CHD4: variants seen among roughly 807,000 people sequenced by gnomAD.
The protein encoded by CHD4 is ATP-dependent chromatin remodeler CHD4.
Under a neutral mutation model 235.5 loss-of-function variants are expected in CHD4, and 35 were observed. That is an observed-to-expected ratio of 0.15 (90% confidence interval 0.11 to 0.20). The LOEUF is 0.20. Ranked by LOEUF, CHD4 falls within the 10% of genes least tolerant of loss-of-function variation. CHD4 has a pLI of 1.00. For missense variants in CHD4, 1,329 were observed against 2,432.3 expected (o/e 0.55, Z 9.54); for synonymous variants, 900 against 850.2 (o/e 1.06, Z -1.02).
At chr12:6,594,725 C>G in intron 14 of CHD4, 75 bp from the exon 15 acceptor site, 4 of 1,332,786 alleles carry the variant, frequency 3.0e-6, no homozygotes, top group Non-Finnish European at 4.2e-6. Context: ...CTGCTTCCTC[C>G]TCACTAGTCT....
At position 6,580,713 on chromosome 12, in the gene CHD4, A is replaced by AAAAAACAACAAC. The variant is rs1565604026; in HGVS notation, c.4909+330_4909+331insGTTGTTGTTTTT. 3.0e-5 allele frequency: 7 copies of AAAAAACAACAAC among 230,378 alleles called. No individual in the cohort carries two copies. In the South Asian group the frequency reaches 5.1e-4, roughly 17 times the overall value. The allele number at this position is 230,378 out of a possible 1,614,324, so 14.3% of individuals were successfully genotyped here. On this transcript the variant is annotated intron_variant, in intron 33 of 39. Coordinates refer to ENST00000544040, the MANE Select transcript of CHD4 (RefSeq NM_001273.5). ...CGAGTAAAACTCCTTTGAAAAAAAA[A>AAAAAACAACAAC]AAAAAAAAAAAAAAGCCAGGCACAG...
chr12:6,604,126 T>C (rs532801817), intron 2 of CHD4, among the ~76,000 whole-genome samples: 1 of 151,836 alleles, frequency 6.6e-6, no homozygotes, highest in Non-Finnish European at 1.5e-5. Flanking sequence ...AAAACAAAAA[T>C]TAGCCAGGCA....
intron 33 of CHD4, among the ~76,000 whole-genome samples, chr12:6,579,811 C>T (rs192133393): frequency 4.6e-5 from 7 of 150,548 alleles, no homozygotes; most frequent in Admixed American, 4.6e-4. Context: ...AATCCCCGCA[C>T]TTTGGGAGGC....
In CHD4 at chr12:6,578,015, C is replaced by T; in HGVS notation, c.5228+14G>A. 1 of 1,611,874 alleles carries T rather than the reference C, an allele frequency of 6.2e-7. No individual in the cohort carries two copies. The highest frequency in any genetic ancestry group is 1.7e-5 in the Admixed American group (1 of 60,018). ...TTCACCAAAAGCCTCAGTACAGATT[C>T]AGGCAAAGGATACTTTATAATGCCG... On this transcript the variant is annotated intron_variant, in intron 36 of 39. Coordinates refer to ENST00000544040, the MANE Select transcript of CHD4 (RefSeq NM_001273.5).
chr12:6,600,142 C>G, intron 9 of CHD4, 75 bp downstream of exon 9: 1 of 1,575,428 alleles, frequency 6.3e-7, no homozygotes, highest in Non-Finnish European at 8.6e-7. Context: ...CCATTTCCAT[C>G]CAGGCCCCGA....
At chr12:6,577,527 G>A (rs1948092407) in intron 37 of CHD4, among the ~76,000 whole-genome samples, 1 of 151,504 alleles carries the variant, frequency 6.6e-6, no homozygotes. Flanking sequence ...ACTCCAATCT[G>A]CAGTGTTCCC....
At chr12:6,588,651 A>G (rs1464752182) in intron 22 of CHD4, among the ~76,000 whole-genome samples, 1 of 151,888 alleles carries the variant, frequency 6.6e-6, no homozygotes, top group Non-Finnish European at 1.5e-5. Flanking sequence ...GGTGGTATAC[A>G]CCTGTAATCC....
At position 6,592,812 on chromosome 12, in the gene CHD4, G is replaced by A. The variant is rs1400490362; in HGVS notation, c.2658C>T (p.Phe886=). The change falls in exon 18 of 40, where the codon TTC becomes TTT. Residue 886 remains phenylalanine, a synonymous_variant. Coordinates refer to ENST00000544040, the MANE Select transcript of CHD4 (RefSeq NM_001273.5). Reference sequence around the variant, plus strand: ...GGAGTGAGTAACCATTCAATACCCGGAAGAACTGGTGAAGCAGATGGAGAA... The same window carrying A: ...GGAGTGAGTAACCATTCAATACCCGAAAGAACTGGTGAAGCAGATGGAGAA... ...HRLKNNQSKF[F]RVLNGYSLQH... is the part of the protein sequence containing the mutation. 1.2e-6 allele frequency: 2 copies of A among 1,611,140 alleles called. No individual in the cohort carries two copies. Among genetic ancestry groups the A allele is most frequent in the African/African-American group, 1.3e-5 (1 of 74,898 alleles).
At position 6,601,341 on chromosome 12, in the gene CHD4, T is replaced by C. The variant is rs777343633; in HGVS notation, c.747A>G (p.Pro249=). ...GGATAGGCACCTCCACAGGGGGAGG[T>C]GGTGGTGCAACCTCAGTGGCTGTCA... ...SMVTATEVAP[P]PPPVEVPIRK... Residue 249 remains proline (P), a synonymous_variant, in exon 6 of 40, where the codon CCA becomes CCG. Coordinates refer to ENST00000544040, the MANE Select transcript of CHD4 (RefSeq NM_001273.5). The C allele has an allele frequency of 1.9e-6, 3 of 1,613,684 alleles. No individual in the cohort carries two copies. In the African/African-American group the frequency reaches 4.0e-5, roughly 22 times the overall value.
chr12:6,590,364 A>G lies in CHD4; in HGVS notation c.3340+1102T>C, dbSNP rs1256379645. Among the ~76,000 whole-genome samples, 4 of 152,380 alleles carry G rather than the reference A, an allele frequency of 2.6e-5. No homozygotes were observed. In the East Asian group the frequency reaches 5.8e-4, roughly 22 times the overall value. ...ATTGAAGTTCTGTCATTTATAGTAC[A>G]ATACCAATGTTAATTTTCTAGTTTT... is the stretch of plus-strand genomic sequence containing the variant. On this transcript the variant is annotated intron_variant, in intron 22 of 39. Coordinates refer to ENST00000544040, the MANE Select transcript of CHD4 (RefSeq NM_001273.5).
rs1389198668 is a variant in CHD4, at chr12:6,602,034, G to A, written c.364C>T (p.Pro122Ser). 1.2e-6 allele frequency: 2 copies of A among 1,612,440 alleles called. No individual in the cohort carries two copies. The highest frequency in any genetic ancestry group is 1.7e-6 in the Non-Finnish European group (2 of 1,179,876). The stretch of plus-strand genomic sequence containing the variant: ...GATTTGCTCTTCTTCTCTTTCTTAG[G>A]TCCAAGCTTCTTCTTCTTCTTCTTG... ...PGKKKKKKLG[P>S]KKEKKSKSKR... The change falls in exon 4 of 40, where the codon CCT (proline) becomes TCT (serine). Residue 122 changes from proline (P) to serine (S), a missense_variant. Coordinates refer to ENST00000544040, the MANE Select transcript of CHD4 (RefSeq NM_001273.5).
In CHD4 at chr12:6,593,006, C is replaced by T; in HGVS notation, c.2652+85G>A. ...AGAGACAATTTTCCCCTCTCCTCTC[C>T]ATCTACAAGTTTTCCCCTTAATGAA... is the stretch of plus-strand genomic sequence containing the variant. On this transcript the variant is annotated intron_variant, in intron 17 of 39. Transcript: ENST00000544040. The surrounding 1 kb of genome is among the most constrained non-coding windows in gnomAD (Gnocchi z 4.9). 3 of 1,565,680 alleles carry T rather than the reference C, an allele frequency of 1.9e-6. No homozygotes were observed. Among genetic ancestry groups the T allele is most frequent in the African/African-American group, 2.8e-5 (2 of 71,532 alleles).
Position 6,592,441 on chromosome 12 carries a change from G to A in CHD4, c.2900C>T (p.Pro967Leu). 6.2e-7 allele frequency: 1 copy of A among 1,608,062 alleles called. No individual in the cohort carries two copies. The highest frequency in any genetic ancestry group is 8.5e-7 in the Non-Finnish European group (1 of 1,175,144). ...RLKADVFKNM[P>L]SKTELIVRVE... ...ACGCACAATTAGTTCTGTCTTGGAGGGCATGTTCTTGAACACATCGGCTTT... is the reference window on the plus strand; with the variant it reads ...ACGCACAATTAGTTCTGTCTTGGAGAGCATGTTCTTGAACACATCGGCTTT... The change falls in exon 19 of 40, where the codon CCC (proline) becomes CTC (leucine). Residue 967 changes from proline to leucine, a missense_variant. Physicochemically the swap from Pro to Leu is moderately conservative, Grantham distance 98 (BLOSUM62 -3). Transcript: ENST00000544040.
At chr12:6,594,784 T>A in intron 14 of CHD4, 134 bp from the exon 15 acceptor site, 1 of 736,118 alleles carries the variant, frequency 1.4e-6, no homozygotes, top group South Asian at 1.9e-5. Flanking sequence ...AGGGAAGAGA[T>A]CCCCTATGAT....
At position 6,582,158 on chromosome 12, in the gene CHD4, A is replaced by G; in HGVS notation, c.4494T>C (p.Val1498=). Reference sequence around the variant, plus strand: ...TCACCTTCTTGCGAATCAAAGACATAACACCAATTCTAGTAAGGACATGCT... The same window carrying G: ...TCACCTTCTTGCGAATCAAAGACATGACACCAATTCTAGTAAGGACATGCT... ...SRQHVLTRIG[V]MSLIRKKVQE... Residue 1498 remains valine, a synonymous_variant, in exon 30 of 40, where the codon GTT becomes GTC. Coordinates refer to ENST00000544040, the MANE Select transcript of CHD4 (RefSeq NM_001273.5). The G allele has an allele frequency of 6.3e-7, 1 of 1,586,314 alleles. No individual in the cohort carries two copies. The highest frequency in any genetic ancestry group is 1.1e-5 in the South Asian group (1 of 89,004).
rs1273637417 is a variant in CHD4, at chr12:6,570,660, G to GT, written c.*15dup. 10 of 1,614,130 alleles carry GT rather than the reference G, an allele frequency of 6.2e-6. No homozygotes were observed. The highest frequency in any genetic ancestry group is 4.5e-5 in the East Asian group (2 of 44,874). The stretch of plus-strand genomic sequence containing the variant: ...AGGTCACTGCTCAGCGGTGGAGGTG[G>GT]TATCAGTCTGCATCTTCACTGCTGC... On this transcript the variant is annotated 3_prime_UTR_variant, in exon 40 of 40. Transcript: ENST00000544040.
At chr12:6,585,651 T>C (rs1436575536) in intron 25 of CHD4, among the ~76,000 whole-genome samples, 2 of 149,446 alleles carry the variant, frequency 1.3e-5, no homozygotes, top group Admixed American at 6.7e-5. Flanking sequence ...TAGCTGGGTG[T>C]GGTGGCACGT....
At position 6,578,617 on chromosome 12, in the gene CHD4, T is replaced by C. The variant is rs569727743; in HGVS notation, c.4982-71A>G. 8.1e-6 allele frequency: 13 copies of C among 1,599,668 alleles called. No homozygotes were observed. The Admixed American group carries it at 2.0e-4, about 25-fold the overall frequency. ...GCACCATCGCCCTTACCCAGAACAC[T>C]GTATGCTACAAGAATCCATCCACCT... On this transcript the variant is annotated intron_variant, in intron 34 of 39. Coordinates refer to ENST00000544040, the MANE Select transcript of CHD4 (RefSeq NM_001273.5).
Position 6,578,080 on chromosome 12 carries a change from T to C in CHD4, c.5177A>G (p.Tyr1726Cys). 3 of 1,613,392 alleles carry C rather than the reference T, an allele frequency of 1.9e-6. No homozygotes were observed. The highest frequency in any genetic ancestry group is 2.5e-6 in the Non-Finnish European group (3 of 1,180,038). Residue 1726 changes from tyrosine (Y) to cysteine (C), a missense_variant, in exon 36 of 40, where the codon TAT becomes TGT. This residue lies in a region of CHD4 where 135 missense variants were observed against 282.3 expected (regional missense o/e 0.48). Transcript: ENST00000544040. Reference protein sequence around the residue: ...ERAATVTKKTYEIWHRRHDYW... With the variant: ...ERAATVTKKTCEIWHRRHDYW... ...GTCATGCCGTCGATGCCAGATCTCA[T>C]AAGTCTTCTTGGTAACTGTGGCTGC...
Sources: allele counts gnomAD v4.1 joint callset (sites outside exome capture counted in the v4.1 genomes callset), GRCh38; gene constraint gnomAD v4.1.1; regional missense constraint gnomAD v4.1.1; non-coding constraint Gnocchi (gnomAD v3.1); transcripts MANE v1.5; gene names NCBI Gene and HGNC (gene_info 2026-07-23, HGNC 2026-07-21).